The following SKIC3 variants were observed in gnomAD, a reference collection of about 807,000 sequenced individuals.
The protein encoded by SKIC3 is SKI3 subunit of superkiller complex, also known as superkiller complex protein 3.
the SKIC3 span, among the ~76,000 whole-genome samples, chr5:95,475,419 T>G: frequency 2.0e-5 from 3 of 152,090 alleles, no homozygotes; most frequent in African/African-American, 7.2e-5. Flanking sequence ...CAAAAGTTTG[T>G]GGTACATCCC....
At chr5:95,508,934 G>T in the SKIC3 span, among the ~76,000 whole-genome samples, 1 of 152,084 alleles carries the variant, frequency 6.6e-6, no homozygotes, top group East Asian at 1.9e-4. Flanking sequence ...ATCTAATAAA[G>T]CTAGACAAGT....
the SKIC3 span, among the ~76,000 whole-genome samples, chr5:95,549,200 T>C: frequency 6.6e-6 from 1 of 152,018 alleles, no homozygotes; most frequent in African/African-American, 2.4e-5. Context: ...GAAGGAAAAT[T>C]GCTCTACTCA....
At chr5:95,473,084 T>C in the SKIC3 span, among the ~76,000 whole-genome samples, 1 of 152,224 alleles carries the variant, frequency 6.6e-6, no homozygotes, top group African/African-American at 2.4e-5. Context: ...TGCATGTGTC[T>C]TCATGGTATG....
the SKIC3 span, among the ~76,000 whole-genome samples, chr5:95,535,352 C>A: frequency 1.4e-5 from 2 of 147,806 alleles, no homozygotes; most frequent in African/African-American, 2.5e-5. Flanking sequence ...GCTCTTTCGC[C>A]CAGGCCGGAG....
the SKIC3 span, among the ~76,000 whole-genome samples, chr5:95,487,253 T>C: frequency 6.6e-6 from 1 of 152,192 alleles, no homozygotes. Flanking sequence ...GCAAACAGCC[T>C]GTTGTGGGAC....
chr5:95,549,811 C>T, the SKIC3 span, among the ~76,000 whole-genome samples: 34,758 of 151,524 alleles, frequency 0.23, 5,011 homozygotes, highest in African/African-American at 0.4. Context: ...TAAACAAACC[C>T]TTATTGAGAT....
chr5:95,539,598 C>A, the SKIC3 span, among the ~76,000 whole-genome samples: 1 of 152,116 alleles, frequency 6.6e-6, no homozygotes, highest in Non-Finnish European at 1.5e-5. Context: ...AATCCCAACA[C>A]TTTGGGGGGC....
At chr5:95,468,217 G>A in the SKIC3 span, among the ~76,000 whole-genome samples, 3 of 152,122 alleles carry the variant, frequency 2.0e-5, no homozygotes, top group Non-Finnish European at 4.4e-5. Context: ...TGTATTTAAT[G>A]TTCAAAATCT....
chr5:95,541,308 T>C, the SKIC3 span: 1 of 1,613,738 alleles, frequency 6.2e-7, no homozygotes, highest in Middle Eastern at 1.7e-4. Flanking sequence ...CACCAACCTC[T>C]AGGTGTTTCT....
chr5:95,521,961 T>C, the SKIC3 span: 4 of 1,539,210 alleles, frequency 2.6e-6, no homozygotes, highest in South Asian at 1.2e-5. Context: ...GAAGTCCTTT[T>C]CAAGTTATTC....
the SKIC3 span, chr5:95,502,744 T>C: frequency 9.6e-7 from 1 of 1,044,828 alleles, no homozygotes; most frequent in Non-Finnish European, 1.4e-6. Flanking sequence ...TGACTATCAA[T>C]TCAGAACCAG....
the SKIC3 span, among the ~76,000 whole-genome samples, chr5:95,535,407 T>A: frequency 6.8e-6 from 1 of 146,310 alleles, no homozygotes; most frequent in Admixed American, 7.0e-5. Flanking sequence ...GCCTCCCGGG[T>A]TCACGCGATT....
At chr5:95,536,525 G>C in the SKIC3 span, 1 of 361,144 alleles carries the variant, frequency 2.8e-6, no homozygotes, top group Admixed American at 4.4e-5. Context: ...ACCTACTCCT[G>C]TTTACCTAGT....
chr5:95,517,268 A>T, the SKIC3 span: 1 of 1,613,400 alleles, frequency 6.2e-7, no homozygotes, highest in South Asian at 1.1e-5. Context: ...GACAGGTACA[A>T]GCATCCCCAG....
At chr5:95,522,896 ATG>A in the SKIC3 span, among the ~76,000 whole-genome samples, 2 of 152,152 alleles carry the variant, frequency 1.3e-5, no homozygotes, top group Non-Finnish European at 2.9e-5. Context: ...GCCAAAAACA[ATG>A]TGTGTCAGCA....
At chr5:95,504,862 G>A in the SKIC3 span, among the ~76,000 whole-genome samples, 3 of 151,914 alleles carry the variant, frequency 2.0e-5, no homozygotes, top group South Asian at 2.1e-4. Flanking sequence ...AAAATTACCC[G>A]GGCATGGTGG....
At chr5:95,491,178 A>G in the SKIC3 span, 1 of 1,249,464 alleles carries the variant, frequency 8.0e-7, no homozygotes, top group South Asian at 1.4e-5. Flanking sequence ...GGAAAATTAA[A>G]TTGCACTTGT....
the SKIC3 span, chr5:95,509,689 T>C: frequency 3.1e-5 from 49 of 1,600,522 alleles, no homozygotes; most frequent in South Asian, 5.2e-4. Context: ...GAATTCTTTC[T>C]AGAAAATGAG....
At chr5:95,471,185 A>C in the SKIC3 span, among the ~76,000 whole-genome samples, 1 of 152,242 alleles carries the variant, frequency 6.6e-6, no homozygotes, top group Non-Finnish European at 1.5e-5. Context: ...TGACAAAGAA[A>C]GTAAGGCAAA....
Sources: gnomAD v4.1 joint callset for allele counts (sites outside exome capture counted in the v4.1 genomes callset) on GRCh38, gnomAD v4.1.1 for gene constraint, MANE v1.5 for transcripts, NCBI Gene and HGNC (gene_info 2026-07-23, HGNC 2026-07-21) for gene names.